ZNF804B: variants seen among roughly 807,000 people sequenced by gnomAD.
ZNF804B encodes the protein zinc finger protein 804B.
ZNF804B carries 80 observed loss-of-function variants against 101.4 expected under a neutral mutation model. The observed-to-expected ratio is 0.79, with a 90% CI of 0.66 to 0.95. The LOEUF (loss-of-function observed/expected upper bound fraction) is 0.95. ZNF804B is among the 40% of genes least tolerant of loss of function. ZNF804B has a pLI of 0.00. For missense variants in ZNF804B, 1,673 were observed against 1,561.9 expected (o/e 1.07, Z -1.20); for synonymous variants, 622 against 558.8 (o/e 1.11, Z -1.59).
At chr7:88,911,898 T>A (rs963389326) in intron 1 of ZNF804B, among the ~76,000 whole-genome samples, 2 of 151,910 alleles carry the variant, frequency 1.3e-5, no homozygotes, top group African/African-American at 4.8e-5. Context: ...TATGTGTATA[T>A]CTAGTATCTT....
intron 2 of ZNF804B, among the ~76,000 whole-genome samples, chr7:89,254,648 A>T (rs942297617): frequency 7.6e-6 from 1 of 132,246 alleles, no homozygotes; most frequent in South Asian, 2.5e-4. Context: ...TTTTATTTTT[A>T]TTATTTTTTT....
intron 1 of ZNF804B, among the ~76,000 whole-genome samples, chr7:88,952,478 T>C (rs1248467388): frequency 6.7e-6 from 1 of 149,556 alleles, no homozygotes; most frequent in Non-Finnish European, 1.5e-5. Flanking sequence ...TGATTTGTGT[T>C]ATTTTTTGTC....
At chr7:88,901,561 C>T (rs1205947726) in intron 1 of ZNF804B, among the ~76,000 whole-genome samples, 1 of 151,564 alleles carries the variant, frequency 6.6e-6, no homozygotes, top group Non-Finnish European at 1.5e-5. Flanking sequence ...CTGCAGTTCT[C>T]TTGATAATTT....
intron 1 of ZNF804B, among the ~76,000 whole-genome samples, chr7:88,965,295 T>C (rs745927694): frequency 2.0e-5 from 3 of 151,348 alleles, no homozygotes; most frequent in Non-Finnish European, 3.0e-5. Context: ...GTTAAAGAGA[T>C]TCTCTCTTTT....
intron 1 of ZNF804B, among the ~76,000 whole-genome samples, chr7:88,827,065 T>C (rs1410944722): frequency 2.0e-5 from 3 of 152,096 alleles, no homozygotes; most frequent in Non-Finnish European, 4.4e-5. Flanking sequence ...TTTGTGACCA[T>C]TATGTCTGCA....
chr7:89,212,807 G>GA (rs1356855880), intron 1 of ZNF804B, among the ~76,000 whole-genome samples: 1 of 152,026 alleles, frequency 6.6e-6, no homozygotes, highest in Non-Finnish European at 1.5e-5. Context: ...CTTCTCCTGT[G>GA]TCTATAATTT....
intron 1 of ZNF804B, among the ~76,000 whole-genome samples, chr7:88,892,499 GTTT>G (rs1232124668): frequency 3.9e-5 from 6 of 152,142 alleles, no homozygotes; most frequent in Admixed American, 3.9e-4. Context: ...TTAAGTGTCA[GTTT>G]TTTGTATAGA....
At chr7:88,769,315 A>G (rs1790029863) in intron 1 of ZNF804B, among the ~76,000 whole-genome samples, 1 of 152,202 alleles carries the variant, frequency 6.6e-6, no homozygotes, top group South Asian at 2.1e-4. Flanking sequence ...AGACTATTCT[A>G]CTGATGGATT....
chr7:89,232,277 ATCTC>A (rs1230170308), intron 2 of ZNF804B, among the ~76,000 whole-genome samples: 8 of 152,136 alleles, frequency 5.3e-5, no homozygotes, highest in Non-Finnish European at 7.4e-5. Flanking sequence ...TCTGGAGTAA[ATCTC>A]ACTCATGGTG....
chr7:89,133,375 G>A (rs990227460), intron 1 of ZNF804B, among the ~76,000 whole-genome samples: 1 of 152,024 alleles, frequency 6.6e-6, no homozygotes, highest in African/African-American at 2.4e-5. Context: ...CTAAGGATAT[G>A]GTTGCTTCTG....
intron 1 of ZNF804B, among the ~76,000 whole-genome samples, chr7:88,841,994 T>C (rs1791298932): frequency 6.6e-6 from 1 of 152,212 alleles, no homozygotes; most frequent in African/African-American, 2.4e-5. Context: ...GATATTTCAC[T>C]GATTGAGATA....
intron 2 of ZNF804B, among the ~76,000 whole-genome samples, chr7:89,314,401 C>G (rs1019750727): frequency 6.6e-6 from 1 of 152,062 alleles, no homozygotes; most frequent in Non-Finnish European, 1.5e-5. Flanking sequence ...TCATACTGTC[C>G]AGATGAAAGC....
chr7:89,251,744 A>G (rs1789544429), intron 2 of ZNF804B, among the ~76,000 whole-genome samples: 1 of 152,302 alleles, frequency 6.6e-6, no homozygotes, highest in African/African-American at 2.4e-5. Flanking sequence ...GAGAACCCAG[A>G]AATGAAGCTG....
At chr7:89,255,656 T>A (rs573374549) in intron 2 of ZNF804B, among the ~76,000 whole-genome samples, 1 of 152,150 alleles carries the variant, frequency 6.6e-6, no homozygotes, top group African/African-American at 2.4e-5. Context: ...TAGGAAAATA[T>A]CTTTATAATT....
At chr7:89,203,007 G>GCACA (rs141134304) in intron 1 of ZNF804B, among the ~76,000 whole-genome samples, 1 of 151,420 alleles carries the variant, frequency 6.6e-6, no homozygotes, top group Non-Finnish European at 1.5e-5. Context: ...TCTCTACACA[G>GCACA]CACACACACA....
chr7:88,899,328 C>T (rs1463326915), intron 1 of ZNF804B, among the ~76,000 whole-genome samples: 2 of 152,046 alleles, frequency 1.3e-5, no homozygotes, highest in Non-Finnish European at 2.9e-5. Context: ...TACCTAGTCA[C>T]CTTATACAAA....
chr7:89,213,409 A>G (rs1235260501), intron 1 of ZNF804B, among the ~76,000 whole-genome samples: 1 of 152,250 alleles, frequency 6.6e-6, no homozygotes, highest in Non-Finnish European at 1.5e-5. Flanking sequence ...TATGAATTCA[A>G]TTCTCACAGC....
intron 1 of ZNF804B, among the ~76,000 whole-genome samples, chr7:88,761,237 C>A (rs1378263561): frequency 1.3e-5 from 2 of 152,184 alleles, no homozygotes; most frequent in East Asian, 3.9e-4. Context: ...CACTAGGATT[C>A]CTCATGACAA....
chr7:89,008,755 C>T (rs1424727595), intron 1 of ZNF804B, among the ~76,000 whole-genome samples: 2 of 152,144 alleles, frequency 1.3e-5, no homozygotes, highest in African/African-American at 4.8e-5. Context: ...GAGCACTGCT[C>T]ATAGAATCCT....
Sources: allele counts gnomAD v4.1 joint callset (sites outside exome capture counted in the v4.1 genomes callset), GRCh38; gene constraint gnomAD v4.1.1; transcripts MANE v1.5; gene names NCBI Gene and HGNC (gene_info 2026-07-23, HGNC 2026-07-21).